TP53BP1: variants seen among roughly 807,000 people sequenced by gnomAD.
TP53BP1 encodes tumor protein p53 binding protein 1.
In TP53BP1, 61 loss-of-function variants were observed where a neutral mutation model predicts 200.8. The ratio of observed to expected loss-of-function variants is 0.30; its 90% CI spans 0.25 to 0.38. The LOEUF (loss-of-function observed/expected upper bound fraction) is 0.38. Ranked by LOEUF, TP53BP1 falls within the 10% of genes least tolerant of loss-of-function variation. The probability of loss-of-function intolerance (pLI) is 1.00; values close to 1 mark genes in which losing one functional copy is unlikely to be tolerated. For missense variants in TP53BP1, 2,144 were observed against 2,371.9 expected, an observed-to-expected ratio of 0.90 and a Z score of 2.00; for synonymous variants, 822 against 844.3, an observed-to-expected ratio of 0.97 and a Z score of 0.46.
intron 10 of TP53BP1, among the ~76,000 whole-genome samples, chr15:43,472,944 T>A (rs2046763388): frequency 6.6e-6 from 1 of 152,036 alleles, no homozygotes; most frequent in Non-Finnish European, 1.5e-5. Flanking sequence ...AGGTGGCGCG[T>A]CTCGAGTCTG....
intron 12 of TP53BP1, among the ~76,000 whole-genome samples, chr15:43,448,793 T>C (rs1228476779): frequency 6.6e-6 from 1 of 152,142 alleles, no homozygotes; most frequent in Non-Finnish European, 1.5e-5. Context: ...AAATGGTCTT[T>C]AGAAATAAAG....
intron 12 of TP53BP1, among the ~76,000 whole-genome samples, chr15:43,454,034 G>T (rs1342150113): frequency 2.6e-5 from 4 of 151,524 alleles, no homozygotes; most frequent in Non-Finnish European, 5.9e-5. Flanking sequence ...GTGAAACCCC[G>T]TCTCTACTAA....
intron 18 of TP53BP1, among the ~76,000 whole-genome samples, chr15:43,423,685 G>A (rs1344125948): frequency 1.3e-5 from 2 of 151,312 alleles, no homozygotes; most frequent in African/African-American, 2.4e-5. Flanking sequence ...CCCATGGGGA[G>A]ACTGTATATA....
At chr15:43,412,233 GGAAA>G (rs2045136228) in intron 24 of TP53BP1, among the ~76,000 whole-genome samples, 1 of 152,134 alleles carries the variant, frequency 6.6e-6, no homozygotes. Context: ...TGGTTAATTA[GGAAA>G]GAGTCATCCA....
At chr15:43,488,361 T>C (rs2079074798) in intron 4 of TP53BP1, among the ~76,000 whole-genome samples, 1 of 151,910 alleles carries the variant, frequency 6.6e-6, no homozygotes, top group Non-Finnish European at 1.5e-5. Context: ...ATATAGTATT[T>C]TGAAATGACA....
In TP53BP1 at chr15:43,492,346, G is replaced by A. The variant is rs763465325; in HGVS notation, c.130C>T (p.His44Tyr). 7.4e-6 allele frequency: 12 copies of A among 1,614,162 alleles called. No individual in the cohort carries two copies. The highest frequency in any genetic ancestry group is 1.0e-5 in the Non-Finnish European group (12 of 1,180,006). The change falls in exon 2 of 28, where the codon CAC becomes TAC. Residue 44 changes from histidine (H) to tyrosine (Y), a missense_variant. This residue lies in a region of TP53BP1 where 1,700 missense variants were observed against 1,710.3 expected (regional missense o/e 0.99). Transcript: ENST00000382044. ...AGGTGTCGAGATAGCATACTGAAGT[G>A]AGAACCAGAATCATCCTCTAGAACC... ...SQVLEDDSGS[H>Y]FSMLSRHLPN...
Position 43,407,084 on chromosome 15 carries a change from T to TTAAC in TP53BP1, c.*295_*298dup, listed in dbSNP as rs1330190887. ...TGATGCCACAGAATAAAGTTCACTCTTAACTTTTCAATTTCCTTGGCCAGC... is the reference window on the plus strand; with the variant it reads ...TGATGCCACAGAATAAAGTTCACTCTTAACTAACTTTTCAATTTCCTTGGCCAGC... On this transcript the variant is annotated 3_prime_UTR_variant, in exon 28 of 28. Transcript: ENST00000382044. 15 of 307,390 alleles carry TTAAC rather than the reference T, an allele frequency of 4.9e-5. No homozygotes were observed. Among genetic ancestry groups the TTAAC allele is most frequent in the Non-Finnish European group, 5.5e-5 (9 of 163,248 alleles). 19.0% of individuals were successfully genotyped at this position (307,390 alleles called of 1,614,324 possible).
At chr15:43,428,280 C>G in intron 17 of TP53BP1, 112 bp from the exon 18 acceptor site, 1 of 908,684 alleles carries the variant, frequency 1.1e-6, no homozygotes, top group Non-Finnish European at 1.7e-6. Flanking sequence ...TCTAGTGTGA[C>G]AGAATCTTCC....
chr15:43,438,728 C>CAAAAAAAAAAAAA (rs397699362), intron 15 of TP53BP1, among the ~76,000 whole-genome samples: 2 of 21,654 alleles, frequency 9.2e-5, no homozygotes, highest in African/African-American at 2.0e-4. Context: ...AAGCAAGAGG[C>CAAAAAAAAAAAAA]AAAAAAAAAA....
chr15:43,489,561 T>C (rs1566966815), intron 4 of TP53BP1, among the ~76,000 whole-genome samples: 1 of 152,232 alleles, frequency 6.6e-6, no homozygotes, highest in Non-Finnish European at 1.5e-5. Context: ...CTGGCCTCAG[T>C]GTCCAAGTAC....
At chr15:43,498,029 G>A (rs896531169), upstream of TP53BP1, among the ~76,000 whole-genome samples, 2 of 152,050 alleles carry the variant, frequency 1.3e-5, no homozygotes, top group African/African-American at 4.8e-5. Context: ...GTAACAGTGG[G>A]GTTGTAATTC....
At chr15:43,505,462 T>C (rs1430858755) in intron 1 of TP53BP1, among the ~76,000 whole-genome samples, 1 of 152,122 alleles carries the variant, frequency 6.6e-6, no homozygotes, top group Admixed American at 6.5e-5. Flanking sequence ...GCTAATGAAA[T>C]GGATAAGGGA....
intron 4 of TP53BP1, among the ~76,000 whole-genome samples, chr15:43,490,489 G>A (rs1595626947): frequency 6.6e-6 from 1 of 151,872 alleles, no homozygotes; most frequent in African/African-American, 2.4e-5. Context: ...CTCCTAAAGT[G>A]CTGGGATTAC....
chr15:43,451,031 T>C (rs1423339212), intron 12 of TP53BP1, among the ~76,000 whole-genome samples: 4 of 152,130 alleles, frequency 2.6e-5, no homozygotes, highest in Admixed American at 2.6e-4. Flanking sequence ...CACGCCACCA[T>C]GCCTGGCCAA....
In TP53BP1 at chr15:43,422,126, C is replaced by T; in HGVS notation, c.3829G>A (p.Glu1277Lys). 2 of 1,610,926 alleles carry T rather than the reference C, an allele frequency of 1.2e-6. No individual in the cohort carries two copies. The highest frequency in any genetic ancestry group is 2.2e-5 in the South Asian group (2 of 90,540). Residue 1277 changes from glutamate to lysine, a missense_variant and splice_region_variant, in exon 19 of 28, where the codon GAG becomes AAG. Physicochemically the swap from Glu to Lys is moderately conservative, Grantham distance 56. Transcript: ENST00000382044. ...CACTCTACAATTGGCTCTTCAGTCT[C>T]CTGCAAGGAAAAAATAGATACAGAA... Reference protein sequence around the residue: ...GTEVERKVTEETEEPIVECQE... With the variant: ...GTEVERKVTEKTEEPIVECQE...
rs770252049 is a variant in TP53BP1 at position 43,403,508 on chromosome 15, G to A, written c.*3875C>T. The A allele has an allele frequency of 4.2e-5, 24 of 566,346 alleles. No individual in the cohort carries two copies. The highest frequency in any genetic ancestry group is 4.6e-4 in the Middle Eastern group (1 of 2,162). 35.1% of individuals were successfully genotyped at this position (566,346 alleles called of 1,614,324 possible). ...CCAGGAAAGGATGCATTTGTTTTAC[G>A]CATTTTGTGCGTCTGAGGGGCTGGC... On this transcript the variant is annotated 3_prime_UTR_variant, in exon 28 of 28. Coordinates refer to ENST00000382044, the MANE Select transcript of TP53BP1 (RefSeq NM_001141980.3).
rs369013141 is a variant in TP53BP1, at chr15:43,407,926, C to T, written c.5746+17G>A. 250 of 1,606,674 alleles carry T rather than the reference C, an allele frequency of 1.6e-4. No individual in the cohort carries two copies. The highest frequency in any genetic ancestry group is 2.1e-4 in the Non-Finnish European group (244 of 1,178,670). ...AGATCCCTGGAACAAAGACACTACA[C>T]ACACTCTTTCAGGTACCTTTGTTAT... On this transcript the variant is annotated intron_variant, in intron 27 of 27. Transcript: ENST00000382044.
rs139105949 is a variant in TP53BP1 at position 43,421,901 on chromosome 15, C to A, written c.4054G>T (p.Ala1352Ser). 1 of 1,614,198 alleles carries A rather than the reference C, an allele frequency of 6.2e-7. No individual in the cohort carries two copies. The highest frequency in any genetic ancestry group is 1.1e-5 in the South Asian group (1 of 91,088). Residue 1352 changes from alanine to serine, a missense_variant, in exon 19 of 28, where the codon GCA becomes TCA. Physicochemically the swap from Ala to Ser is moderately conservative, Grantham distance 99 (BLOSUM62 1). Transcript: ENST00000382044. ...CGGGAGCTGGGTAAGGCAAAATCTG[C>A]GGGTTCTGTCCCGCTGGTTTTCCCT... ...LRGKTSGTEP[A>S]DFALPSSRGG... is the part of the protein sequence containing the mutation.
At chr15:43,479,057 A>AT (rs1307359480) in intron 7 of TP53BP1, among the ~76,000 whole-genome samples, 1 of 152,130 alleles carries the variant, frequency 6.6e-6, no homozygotes, top group Non-Finnish European at 1.5e-5. Context: ...CAACAAAAAA[A>AT]TTTTTTTAAT....
Sources: gnomAD v4.1 joint callset for allele counts (sites outside exome capture counted in the v4.1 genomes callset) on GRCh38, gnomAD v4.1.1 for gene constraint, gnomAD v4.1.1 regional missense constraint, MANE v1.5 for transcripts, NCBI Gene and HGNC (gene_info 2026-07-23, HGNC 2026-07-21) for gene names.